Variants in SEC61A2 observed in about 807,000 individuals in gnomAD.
SEC61A2 encodes protein transport protein Sec61 subunit alpha isoform 2.
Under a neutral mutation model 59.9 loss-of-function variants are expected in SEC61A2, and 28 were observed. That is an observed-to-expected ratio of 0.47 (90% confidence interval 0.35 to 0.64). The LOEUF is 0.64. Ranked by LOEUF, SEC61A2 falls within the 30% of genes least tolerant of loss-of-function variation. SEC61A2 has a pLI of 0.01. For missense variants in SEC61A2, 340 were observed against 585.9 expected, an observed-to-expected ratio of 0.58 and a Z score of 4.33; for synonymous variants, 202 against 214.4, an observed-to-expected ratio of 0.94 and a Z score of 0.50.
chr10:12,134,458 G>A (rs955983554), intron 2 of SEC61A2, among the ~76,000 whole-genome samples: 10 of 152,116 alleles, frequency 6.6e-5, no homozygotes, highest in African/African-American at 2.2e-4. Context: ...TCACCGAATC[G>A]CGTGCACATT....
In SEC61A2 at chr10:12,145,590, A is replaced by G. The variant is rs1211028200; in HGVS notation, c.220+2395A>G. On this transcript the variant is annotated intron_variant, in intron 4 of 11. Coordinates refer to ENST00000298428, the MANE Select transcript of SEC61A2 (RefSeq NM_018144.4). The surrounding 1 kb of genome is among the most constrained non-coding windows in gnomAD (Gnocchi z 4.4). ...ACATTGTTTTCTGTTTTTATGGAAC[A>G]TTTGTATTTCTTCTATAAGTGGAGT... Among the ~76,000 whole-genome samples, 2 of 152,148 alleles carry G rather than the reference A, an allele frequency of 1.3e-5. No individual in the cohort carries two copies. Among genetic ancestry groups the G allele is most frequent in the East Asian group, 1.9e-4 (1 of 5,194 alleles).
Position 12,158,307 on chromosome 10 carries a change from G to T in SEC61A2, c.975+202G>T, listed in dbSNP as rs959110897. On this transcript the variant is annotated intron_variant, in intron 9 of 11. Transcript: ENST00000298428. The surrounding 1 kb of genome is among the most constrained non-coding windows in gnomAD (Gnocchi z 5.7). ...TTGCCCAAGCGCTTTTTATTATTTT[G>T]CTCTCTAGGAAGCACTTTCACATCT... 5.5e-6 allele frequency: 3 copies of T among 542,192 alleles called. No homozygotes were observed. Among genetic ancestry groups the T allele is most frequent in the African/African-American group, 3.9e-5 (2 of 51,896 alleles). 33.6% of individuals were successfully genotyped at this position (542,192 alleles called of 1,614,324 possible). A position where few individuals can be genotyped will look rare whatever the true frequency, so the allele number is the denominator to read the frequency against.
chr10:12,169,579 TATTCAGTATG>T, downstream of SEC61A2: 1 of 395,216 alleles, frequency 2.5e-6, no homozygotes, highest in Non-Finnish European at 4.5e-6. This position sits in a 1 kb window ranked among gnomAD's most constrained non-coding sequence, Gnocchi z 4.8. Context: ...CTATTGTATC[TATTCAGTATG>T]ATTGTTCTAA....
chr10:12,169,462 T>G (rs1005443456), downstream of SEC61A2: 1 of 624,150 alleles, frequency 1.6e-6, no homozygotes, highest in Non-Finnish European at 2.7e-6. This position sits in a 1 kb window ranked among gnomAD's most constrained non-coding sequence, Gnocchi z 4.8. Context: ...TTTGATGTGA[T>G]AGCTAATTAT....
At position 12,137,231 on chromosome 10, in the gene SEC61A2, A is replaced by G. The variant is rs994708749; in HGVS notation, c.141+1061A>G. Among the ~76,000 whole-genome samples, 6 of 152,188 alleles carry G rather than the reference A, an allele frequency of 3.9e-5. 1 individual carries two copies. On this transcript the variant is annotated intron_variant, in intron 3 of 11. Coordinates refer to ENST00000298428, the MANE Select transcript of SEC61A2 (RefSeq NM_018144.4). ...AATTTTTCAATTCTTTTGCAGGGAA[A>G]GGGTCAAGCTAAAACCAAATTTTTG... is the stretch of plus-strand genomic sequence containing the variant.
In SEC61A2 at chr10:12,154,702, G is replaced by A. The variant is rs1214896242; in HGVS notation, c.463-1076G>A. Among the ~76,000 whole-genome samples the A allele has an allele frequency of 6.6e-6, 1 of 152,210 alleles. No homozygotes were observed. The highest frequency in any genetic ancestry group is 1.5e-5 in the Non-Finnish European group (1 of 68,036). On this transcript the variant is annotated intron_variant, in intron 6 of 11. Coordinates refer to ENST00000298428, the MANE Select transcript of SEC61A2 (RefSeq NM_018144.4). The surrounding 1 kb of genome is among the most constrained non-coding windows in gnomAD (Gnocchi z 5.2). ...CCTGTAAATAGACAAGTTAGGCTCT[G>A]TCCAACTACTGAAATGGCAGTTAAG... is the stretch of plus-strand genomic sequence containing the variant.
At chr10:12,131,729 T>C (rs1396182142) in intron 1 of SEC61A2, among the ~76,000 whole-genome samples, 1 of 126,488 alleles carries the variant, frequency 7.9e-6, no homozygotes, top group African/African-American at 2.9e-5. Flanking sequence ...CTCTCTCTGC[T>C]GCCCAGGCTG....
intron 3 of SEC61A2, among the ~76,000 whole-genome samples, chr10:12,140,232 A>AT: frequency 6.6e-6 from 1 of 152,144 alleles, no homozygotes; most frequent in Non-Finnish European, 1.5e-5. Context: ...CTCTAAGGTC[A>AT]TTTTCAGTTT....
rs1369102601 is a variant in SEC61A2 at position 12,153,312 on chromosome 10, A to G, written c.463-2466A>G. On this transcript the variant is annotated intron_variant, in intron 6 of 11. Coordinates refer to ENST00000298428, the MANE Select transcript of SEC61A2 (RefSeq NM_018144.4). This position sits in a 1 kb window ranked among gnomAD's most constrained non-coding sequence, Gnocchi z 5.2. ...TTCTTTACAGCATTTTCTTTCTGCA[A>G]TCCAGAGTTTAGAATAATCTTGATT... Among the ~76,000 whole-genome samples the G allele has an allele frequency of 6.6e-6, 1 of 152,156 alleles. No homozygotes were observed. Among genetic ancestry groups the G allele is most frequent in the African/African-American group, 2.4e-5 (1 of 41,438 alleles).
At chr10:12,137,098 C>T (rs563313468) in intron 3 of SEC61A2, among the ~76,000 whole-genome samples, 2 of 150,710 alleles carry the variant, frequency 1.3e-5, no homozygotes, top group African/African-American at 2.4e-5. Context: ...TAAATAGAGA[C>T]GGGGTCTATG....
At chr10:12,135,026 G>A (rs911462495) in intron 2 of SEC61A2, among the ~76,000 whole-genome samples, 1 of 152,114 alleles carries the variant, frequency 6.6e-6, no homozygotes, top group African/African-American at 2.4e-5. Flanking sequence ...ACGTTTTTGT[G>A]TGGATTTGTG....
At position 12,142,636 on chromosome 10, in the gene SEC61A2, C is replaced by G. The variant is rs994980673; in HGVS notation, c.142-481C>G. 5.0e-6 allele frequency: 2 copies of G among 396,204 alleles called. No homozygotes were observed. The highest frequency in any genetic ancestry group is 4.4e-5 in the African/African-American group (2 of 45,812). 24.5% of individuals were successfully genotyped at this position (396,204 alleles called of 1,614,324 possible). On this transcript the variant is annotated intron_variant, in intron 3 of 11. Transcript: ENST00000298428. This position sits in a 1 kb window ranked among gnomAD's most constrained non-coding sequence, Gnocchi z 5.4. ...GGTAAAAGTATAGAAAATATGCCAT[C>G]TTCATCATTTTTAGATGTGCAGTTT...
chr10:12,130,571 A>T (rs1417684934), intron 1 of SEC61A2, among the ~76,000 whole-genome samples: 1 of 152,202 alleles, frequency 6.6e-6, no homozygotes, highest in African/African-American at 2.4e-5. Flanking sequence ...CTTTGCTTGA[A>T]CATGAATACC....
Position 12,164,391 on chromosome 10 carries a change from G to A in SEC61A2, c.1368G>A (p.Gln456=). ...GILLAVTIIY[Q]YFEIFVKEQA... The stretch of plus-strand genomic sequence containing the variant: ...TGCTAGCAGTCACTATTATTTACCA[G>A]TATTTTGAAATATTTGTTAAAGAAC... The change falls in exon 12 of 12, where the codon CAG becomes CAA. Residue 456 remains glutamine, a synonymous_variant. Transcript: ENST00000298428. This position sits in a 1 kb window ranked among gnomAD's most constrained non-coding sequence, Gnocchi z 7.3. The A allele has an allele frequency of 1.2e-6, 2 of 1,614,088 alleles. No individual in the cohort carries two copies. Among genetic ancestry groups the A allele is most frequent in the South Asian group, 1.1e-5 (1 of 91,064 alleles).
intron 4 of SEC61A2, among the ~76,000 whole-genome samples, chr10:12,148,687 A>G (rs1175441262): frequency 1.3e-5 from 2 of 150,680 alleles, no homozygotes; most frequent in Admixed American, 6.6e-5. Context: ...CTACAGGCGC[A>G]CGCCACCACA....
Position 12,158,079 on chromosome 10 carries a change from T to C in SEC61A2, c.949T>C (p.Leu317=). 2 of 1,614,060 alleles carry C rather than the reference T, an allele frequency of 1.2e-6. No homozygotes were observed. The highest frequency in any genetic ancestry group is 1.7e-6 in the Non-Finnish European group (2 of 1,179,864). Reference sequence around the variant, plus strand: ...GTCTGTTCGATTTAGTGGCAACTTTTTAGTAAATTTACTAGGACAGTGGGC... The same window carrying C: ...GTCTGTTCGATTTAGTGGCAACTTTCTAGTAAATTTACTAGGACAGTGGGC... The part of the protein sequence containing the change: ...MLSVRFSGNF[L]VNLLGQWADV... Residue 317 remains leucine, a synonymous_variant, in exon 9 of 12, where the codon TTA becomes CTA. Coordinates refer to ENST00000298428, the MANE Select transcript of SEC61A2 (RefSeq NM_018144.4). The surrounding 1 kb of genome is among the most constrained non-coding windows in gnomAD (Gnocchi z 5.7).
Position 12,164,565 on chromosome 10 carries a change from G to T in SEC61A2, c.*111G>T. ...TTCTCCCCTCACAGTTTCTTGTTTCGAGTGCTGACTGACCCGTTTCTGAAA... is the reference window on the plus strand; with the variant it reads ...TTCTCCCCTCACAGTTTCTTGTTTCTAGTGCTGACTGACCCGTTTCTGAAA... On this transcript the variant is annotated 3_prime_UTR_variant, in exon 12 of 12. Transcript: ENST00000298428. This position sits in a 1 kb window ranked among gnomAD's most constrained non-coding sequence, Gnocchi z 7.3. 1 of 1,493,342 alleles carries T rather than the reference G, an allele frequency of 6.7e-7. No individual in the cohort carries two copies. Among genetic ancestry groups the T allele is most frequent in the Non-Finnish European group, 8.9e-7 (1 of 1,126,922 alleles). 92.5% of individuals were successfully genotyped at this position (1,493,342 alleles called of 1,614,324 possible). A position where few individuals can be genotyped will look rare whatever the true frequency, so the allele number is the denominator to read the frequency against.
At position 12,156,988 on chromosome 10, in the gene SEC61A2, C is replaced by G. The variant is rs1036040098; in HGVS notation, c.698C>G (p.Ala233Gly). 4 of 1,613,882 alleles carry G rather than the reference C, an allele frequency of 2.5e-6. No homozygotes were observed. The highest frequency in any genetic ancestry group is 2.7e-5 in the African/African-American group (2 of 74,908). The change falls in exon 8 of 12, where the codon GCT becomes GGT. Residue 233 changes from alanine (A) to glycine (G), a missense_variant. Coordinates refer to ENST00000298428, the MANE Select transcript of SEC61A2 (RefSeq NM_018144.4). This position sits in a 1 kb window ranked among gnomAD's most constrained non-coding sequence, Gnocchi z 5.2. ...RTDKVRALRE[A>G]FYRQNLPNLM... ...GACAAAGTCCGAGCTTTACGGGAGG[C>G]TTTTTATCGGCAGAACTTACCCAAT...
chr10:12,135,370 G>C (rs971180495), intron 2 of SEC61A2, among the ~76,000 whole-genome samples: 1 of 151,912 alleles, frequency 6.6e-6, no homozygotes, highest in African/African-American at 2.4e-5. Context: ...TGAAGTAAAA[G>C]AGAAACTGAA....
Sources: gnomAD v4.1 joint callset for allele counts (sites outside exome capture counted in the v4.1 genomes callset) on GRCh38, gnomAD v4.1.1 for gene constraint, Gnocchi (gnomAD v3.1) non-coding constraint, MANE v1.5 for transcripts, NCBI Gene and HGNC (gene_info 2026-07-23, HGNC 2026-07-21) for gene names.